Variants in ZBTB41 observed in about 807,000 individuals in gnomAD.
The protein encoded by ZBTB41 is zinc finger and BTB domain-containing protein 41.
ZBTB41 carries 42 observed loss-of-function variants against 87.6 expected under a neutral mutation model. The observed-to-expected ratio is 0.48, with a 90% CI of 0.37 to 0.62. The LOEUF (loss-of-function observed/expected upper bound fraction) is 0.62, where lower values mean the gene tolerates loss of function less well. ZBTB41 is among the 20% of genes least tolerant of loss of function. The pLI is 0.00. For missense variants in ZBTB41, 799 were observed against 1,078.9 expected (o/e 0.74, Z 3.63); for synonymous variants, 364 against 364.0 (o/e 1.00, Z 0.00).
intron 9 of ZBTB41, among the ~76,000 whole-genome samples, chr1:197,173,627 G>T (rs1659528966): frequency 6.6e-6 from 1 of 152,056 alleles, no homozygotes; most frequent in Admixed American, 6.6e-5. Context: ...GCCCAGGCTG[G>T]TGTCAAACTC....
In ZBTB41 at chr1:197,154,776, A is replaced by G. The variant is rs919398532; in HGVS notation, c.*4583T>C. The G allele has an allele frequency of 6.6e-6, 1 of 152,496 alleles. No homozygotes were observed. The highest frequency in any genetic ancestry group is 2.1e-4 in the South Asian group (1 of 4,832). 9.4% of individuals were successfully genotyped at this position (152,496 alleles called of 1,614,324 possible). A position where few individuals can be genotyped will look rare whatever the true frequency, so the allele number is the denominator to read the frequency against. ...TGTCTAGTTTCTAGAAGTCGTTTAGAAAATTATTCTCACATTATCCATTAT... is the reference window on the plus strand; with the variant it reads ...TGTCTAGTTTCTAGAAGTCGTTTAGGAAATTATTCTCACATTATCCATTAT... On this transcript the variant is annotated 3_prime_UTR_variant, in exon 11 of 11. Transcript: ENST00000367405.
chr1:197,184,240 T>C (rs114098154), intron 5 of ZBTB41, among the ~76,000 whole-genome samples: 2,097 of 152,308 alleles, frequency 0.014, 44 homozygotes, highest in African/African-American at 0.048. Context: ...TTCTTAGAAG[T>C]GCTGAAACTG....
In ZBTB41 at chr1:197,175,115, C is replaced by T. The variant is rs1450102878; in HGVS notation, c.1880G>A (p.Gly627Asp). 1.9e-6 allele frequency: 3 copies of T among 1,608,556 alleles called. No homozygotes were observed. The highest frequency in any genetic ancestry group is 1.1e-5 in the South Asian group (1 of 90,472). The change falls in exon 9 of 11, where the codon GGT (glycine) becomes GAT (aspartate). Residue 627 changes from glycine to aspartate, a missense_variant and splice_region_variant. This residue lies in a region of ZBTB41 where 198 missense variants were observed against 358.4 expected (regional missense o/e 0.55). Coordinates refer to ENST00000367405, the MANE Select transcript of ZBTB41 (RefSeq NM_194314.3). ...HLTKHKKIHS[G>D]EKAHQCEECG... ...TTCTTCACACTGATGAGCTTTTTCACCTTAAAATAAAGACCCAAATATTTT... is the reference window on the plus strand; with the variant it reads ...TTCTTCACACTGATGAGCTTTTTCATCTTAAAATAAAGACCCAAATATTTT...
In ZBTB41 at chr1:197,200,381, A is replaced by C; in HGVS notation, c.93T>G (p.Cys31Trp). The change falls in exon 2 of 11, where the codon TGT becomes TGG. Residue 31 changes from cysteine to tryptophan, a missense_variant. Cys to Trp is a radical substitution (Grantham distance 215). Coordinates refer to ENST00000367405, the MANE Select transcript of ZBTB41 (RefSeq NM_194314.3). ...DSSEGNVAVE[C>W]DQVTYTHSAG... ...CAGAATGAGTATAGGTCACTTGGTC[A>C]CACTCCACTGCAACATTTCCTTCTG... is the stretch of plus-strand genomic sequence containing the variant. 1.2e-6 allele frequency: 2 copies of C among 1,614,112 alleles called. No homozygotes were observed. Among genetic ancestry groups the C allele is most frequent in the Middle Eastern group, 1.6e-4 (1 of 6,062 alleles).
chr1:197,181,661 T>C (rs984752697), intron 5 of ZBTB41, among the ~76,000 whole-genome samples: 2 of 152,068 alleles, frequency 1.3e-5, no homozygotes, highest in South Asian at 2.1e-4. Context: ...AAAAAGAAGT[T>C]TAGTAAATAC....
chr1:197,188,929 T>C (rs926476226), intron 4 of ZBTB41, among the ~76,000 whole-genome samples: 3 of 152,170 alleles, frequency 2.0e-5, no homozygotes. Context: ...CCAACAATAA[T>C]GACATAGCAC....
At chr1:197,169,862 T>C (rs770905559) in intron 10 of ZBTB41, among the ~76,000 whole-genome samples, 11 of 151,946 alleles carry the variant, frequency 7.2e-5, no homozygotes, top group African/African-American at 1.7e-4. Flanking sequence ...ATTCTGAGGA[T>C]TGAACAAACA....
intron 6 of ZBTB41, 39 bp downstream of exon 6, chr1:197,180,949 A>T (rs1434697575): frequency 2.0e-5 from 31 of 1,563,804 alleles, no homozygotes; most frequent in Non-Finnish European, 2.6e-5. Flanking sequence ...TCTACATAAT[A>T]GTACTAGGAT....
chr1:197,163,861 C>T (rs937532889), intron 10 of ZBTB41, among the ~76,000 whole-genome samples: 3 of 151,724 alleles, frequency 2.0e-5, no homozygotes, highest in Admixed American at 6.6e-5. Flanking sequence ...AAGCTGCTAA[C>T]GTAAATTCTA....
At chr1:197,164,179 A>G (rs1413195222) in intron 10 of ZBTB41, among the ~76,000 whole-genome samples, 1 of 152,096 alleles carries the variant, frequency 6.6e-6, no homozygotes, top group African/African-American at 2.4e-5. Flanking sequence ...AATAATTTCA[A>G]TTATTTTATT....
At position 197,191,867 on chromosome 1, in the gene ZBTB41, C is replaced by T. The variant is rs912335437; in HGVS notation, c.1153G>A (p.Gly385Ser). The change falls in exon 3 of 11, where the codon GGT becomes AGT. Residue 385 changes from glycine (G) to serine (S), a missense_variant. This residue lies in a region of ZBTB41 where 294 missense variants were observed against 340.1 expected (regional missense o/e 0.86). Transcript: ENST00000367405. Reference protein sequence around the residue: ...KYESHTRVHTGEKPFECDICH... With the variant: ...KYESHTRVHTSEKPFECDICH... ...ATATCACACTCAAAGGGCTTCTCAC[C>T]TGTGTGAACACGGGTGTGGCTCTCA... The T allele has an allele frequency of 6.2e-7, 1 of 1,613,214 alleles. No individual in the cohort carries two copies. Among genetic ancestry groups the T allele is most frequent in the Non-Finnish European group, 8.5e-7 (1 of 1,179,594 alleles).
intron 5 of ZBTB41, among the ~76,000 whole-genome samples, chr1:197,182,127 G>GA (rs1207854881): frequency 1.3e-5 from 2 of 150,482 alleles, no homozygotes; most frequent in African/African-American, 2.4e-5. Context: ...TTACATAGCT[G>GA]AAAAAAAAAG....
chr1:197,185,803 T>C (rs1308232913), intron 5 of ZBTB41, among the ~76,000 whole-genome samples: 1 of 152,120 alleles, frequency 6.6e-6, no homozygotes, highest in Non-Finnish European at 1.5e-5. Flanking sequence ...AAGATCTATA[T>C]GAGAAAACTA....
In ZBTB41 at chr1:197,200,302, G is replaced by T. The variant is rs1276900504; in HGVS notation, c.172C>A (p.Pro58Thr). The change falls in exon 2 of 11, where the codon CCA becomes ACA. Residue 58 changes from proline to threonine, a missense_variant. By Grantham distance (38) the Pro-to-Thr change is conservative. This residue lies in a region of ZBTB41 where 77 missense variants were observed against 68.4 expected (regional missense o/e 1.13). Transcript: ENST00000367405. ...GAACTTAAAAGCTTTCTCTGATCTG[G>T]AGAGGGAGGAAGTTCCTGGTAACAG... Reference protein sequence around the residue: ...LHCYQELPPSPDQRKLLSSLQ... With the variant: ...LHCYQELPPSTDQRKLLSSLQ... 2 of 1,613,914 alleles carry T rather than the reference G, an allele frequency of 1.2e-6. No homozygotes were observed. Among genetic ancestry groups the T allele is most frequent in the Non-Finnish European group, 1.7e-6 (2 of 1,180,008 alleles).
At position 197,200,290 on chromosome 1, in the gene ZBTB41, T is replaced by G. The variant is rs753219024; in HGVS notation, c.184A>C (p.Lys62Gln). 6.2e-7 allele frequency: 1 copy of G among 1,613,112 alleles called. No individual in the cohort carries two copies. Among genetic ancestry groups the G allele is most frequent in the South Asian group, 1.1e-5 (1 of 90,790 alleles). The change falls in exon 2 of 11, where the codon AAG (lysine) becomes CAG (glutamine). Residue 62 changes from lysine (K) to glutamine (Q), a missense_variant. Transcript: ENST00000367405. ...TTATACTGCAAAGAACTTAAAAGCT[T>G]TCTCTGATCTGGAGAGGGAGGAAGT... ...QELPPSPDQR[K>Q]LLSSLQYNKN...
At chr1:197,195,963 C>T (rs946030723) in intron 2 of ZBTB41, among the ~76,000 whole-genome samples, 10 of 152,136 alleles carry the variant, frequency 6.6e-5, no homozygotes, top group African/African-American at 2.4e-4. Flanking sequence ...CTCTCATAAA[C>T]CCACCCCAAA....
intron 10 of ZBTB41, among the ~76,000 whole-genome samples, chr1:197,169,698 T>C (rs1311743254): frequency 6.6e-6 from 1 of 152,028 alleles, no homozygotes; most frequent in Non-Finnish European, 1.5e-5. Context: ...TTGTGTGCTA[T>C]ACTTCAATAA....
chr1:197,185,956 A>G (rs1010639846), intron 5 of ZBTB41, among the ~76,000 whole-genome samples: 1 of 152,190 alleles, frequency 6.6e-6, no homozygotes, highest in Non-Finnish European at 1.5e-5. Flanking sequence ...CATTTTGTGG[A>G]TATCAACAAA....
At chr1:197,194,083 A>G (rs1660099863) in intron 2 of ZBTB41, among the ~76,000 whole-genome samples, 2 of 151,706 alleles carry the variant, frequency 1.3e-5, no homozygotes, top group African/African-American at 4.8e-5. Context: ...CACTGGCGCG[A>G]TCTCGGCTCA....
Sources: gnomAD v4.1 joint callset for allele counts (sites outside exome capture counted in the v4.1 genomes callset) on GRCh38, gnomAD v4.1.1 for gene constraint, gnomAD v4.1.1 regional missense constraint, MANE v1.5 for transcripts, NCBI Gene and HGNC (gene_info 2026-07-23, HGNC 2026-07-21) for gene names.